Variants in DOCK7 observed in about 807,000 individuals in gnomAD.
DOCK7 encodes the protein dedicator of cytokinesis 7, also known as dedicator of cytokinesis protein 7.
A neutral mutation model predicts 271.0 loss-of-function variants in DOCK7; 138 were observed. The observed-to-expected ratio is 0.51, with a 90% CI of 0.44 to 0.59. The LOEUF is 0.59. Ranked by LOEUF, DOCK7 falls within the 20% of genes least tolerant of loss-of-function variation. The pLI, the probability that DOCK7 is intolerant of heterozygous loss-of-function variation, is 0.00. For synonymous variants in DOCK7, 823 were observed against 876.1 expected (o/e 0.94, Z 1.07); for missense variants, 2,066 against 2,592.4 (o/e 0.80, Z 4.41).
In DOCK7 at chr1:62,590,762, G is replaced by T. The variant is rs1333504767; in HGVS notation, c.1683-4138C>A. Reference sequence around the variant, plus strand: ...AAAACCTCAACATCACTGATCATGAGAGAAATGCAATTCAAAACCACAATA... The same window carrying T: ...AAAACCTCAACATCACTGATCATGATAGAAATGCAATTCAAAACCACAATA... On this transcript the variant is annotated intron_variant, in intron 14 of 49. Coordinates refer to ENST00000635253, the MANE Select transcript of DOCK7 (RefSeq NM_001367561.1). Among the ~76,000 whole-genome samples the T allele has an allele frequency of 2.0e-5, 3 of 152,228 alleles. No individual in the cohort carries two copies. The East Asian group carries it at 5.8e-4, about 29-fold the overall frequency.
At chr1:62,637,625 A>C (rs1166386499) in intron 7 of DOCK7, among the ~76,000 whole-genome samples, 1 of 152,204 alleles carries the variant, frequency 6.6e-6, no homozygotes, top group East Asian at 1.9e-4. Flanking sequence ...TGGTATTAAA[A>C]GAGAATCGAG....
At chr1:62,628,089 T>G (rs886069375) in intron 11 of DOCK7, 1 of 152,208 alleles carries the variant, frequency 6.6e-6, no homozygotes, top group Non-Finnish European at 1.5e-5. Flanking sequence ...TGGGGATCGT[T>G]TCAGGATGAT....
intron 25 of DOCK7, among the ~76,000 whole-genome samples, chr1:62,540,700 G>A (rs1645500998): frequency 6.6e-6 from 1 of 152,088 alleles, no homozygotes; most frequent in Admixed American, 6.5e-5. Flanking sequence ...TGTGGTAATG[G>A]TAACAAAGAA....
At chr1:62,619,689 C>G (rs1652900768) in intron 13 of DOCK7, among the ~76,000 whole-genome samples, 1 of 152,082 alleles carries the variant, frequency 6.6e-6, no homozygotes, top group African/African-American at 2.4e-5. Flanking sequence ...TAAGTGGGGA[C>G]TACTGCACTC....
intron 7 of DOCK7, among the ~76,000 whole-genome samples, chr1:62,642,999 G>A (rs1374981616): frequency 7.9e-6 from 1 of 126,838 alleles, no homozygotes; most frequent in Non-Finnish European, 1.6e-5. Context: ...TGCTGTAAGA[G>A]TTTTAATCCA....
chr1:62,538,124 C>T, intron 27 of DOCK7, 63 bp from the exon 28 acceptor site: 1 of 1,494,340 alleles, frequency 6.7e-7, no homozygotes, highest in African/African-American at 1.4e-5. Context: ...AATACTAATA[C>T]CAGAATGGCA....
At chr1:62,627,421 A>G (rs1254276702) in intron 11 of DOCK7, 1 of 152,200 alleles carries the variant, frequency 6.6e-6, no homozygotes, top group Non-Finnish European at 1.5e-5. Context: ...CCAGACTGAA[A>G]AAGAAAAGTG....
At chr1:62,580,801 T>C (rs1647092956) in intron 16 of DOCK7, among the ~76,000 whole-genome samples, 1 of 152,204 alleles carries the variant, frequency 6.6e-6, no homozygotes, top group African/African-American at 2.4e-5. Flanking sequence ...AATAGTTCAC[T>C]GCCTGGTTTT....
intron 1 of DOCK7, among the ~76,000 whole-genome samples, chr1:62,677,003 C>T (rs1261005511): frequency 6.6e-6 from 1 of 152,188 alleles, no homozygotes; most frequent in African/African-American, 2.4e-5. Context: ...TCACCAGTTC[C>T]ATTTAAACTG....
intron 43 of DOCK7, chr1:62,478,086 G>GCCT (rs1273120665): frequency 2.9e-6 from 1 of 341,176 alleles, no homozygotes; most frequent in East Asian, 5.3e-5. Context: ...TGTACGAAGT[G>GCCT]CCTCTATCAC....
chr1:62,573,370 T>C (rs1471269734), intron 18 of DOCK7, among the ~76,000 whole-genome samples: 1 of 152,216 alleles, frequency 6.6e-6, no homozygotes, highest in African/African-American at 2.4e-5. Context: ...GAAAAAATAC[T>C]TGGATTATGT....
At chr1:62,610,335 A>G (rs565778553) in intron 14 of DOCK7, among the ~76,000 whole-genome samples, 6 of 152,262 alleles carry the variant, frequency 3.9e-5, no homozygotes, top group African/African-American at 1.4e-4. Context: ...AATAGAAAAA[A>G]AAATGCTCCT....
chr1:62,604,173 T>G (rs1650588273), intron 14 of DOCK7: 1 of 1,613,256 alleles, frequency 6.2e-7, no homozygotes, highest in African/African-American at 1.3e-5. Flanking sequence ...AACAAAGATT[T>G]GGTGTTTTCT....
Position 62,586,526 on chromosome 1 carries a change from T to G in DOCK7, c.1781A>C (p.Asp594Ala). The G allele has an allele frequency of 1.2e-6, 2 of 1,609,570 alleles. No individual in the cohort carries two copies. The highest frequency in any genetic ancestry group is 4.5e-5 in the East Asian group (2 of 44,746). Reference sequence around the variant, plus strand: ...TCTTACCGGCATGGCATTGCTTGGATCCTCTCCATACATAAACTGGACTTT... The same window carrying G: ...TCTTACCGGCATGGCATTGCTTGGAGCCTCTCCATACATAAACTGGACTTT... ...TVKVQFMYGE[D>A]PSNAMPVIFG... is the part of the protein sequence containing the mutation. Residue 594 changes from aspartate (D) to alanine (A), a missense_variant, in exon 15 of 50, where the codon GAT becomes GCT. Asp to Ala is a moderately radical substitution (Grantham distance 126). Around this residue, in one of 2 missense-constraint regions of DOCK7, gnomAD observed 1,414 missense variants for 1,670.4 expected, o/e 0.85. Transcript: ENST00000635253.
At chr1:62,597,760 A>C in intron 14 of DOCK7, 1 of 1,613,588 alleles carries the variant, frequency 6.2e-7, no homozygotes, top group Non-Finnish European at 8.5e-7. Context: ...CATAAGACGA[A>C]GGGCCAAATT....
At chr1:62,529,526 G>C in intron 29 of DOCK7, 80 bp from the exon 30 acceptor site, 2 of 1,108,992 alleles carry the variant, frequency 1.8e-6, no homozygotes, top group Non-Finnish European at 2.4e-6. Flanking sequence ...CAAACAGTAA[G>C]TCATGGTATT....
chr1:62,554,362 C>G (rs1171584887), intron 21 of DOCK7, among the ~76,000 whole-genome samples: 1 of 151,422 alleles, frequency 6.6e-6, no homozygotes, highest in African/African-American at 2.4e-5. Flanking sequence ...GTCCCAGCTA[C>G]CCGAGAGGCT....
Position 62,688,295 on chromosome 1 carries a change from G to T in DOCK7, c.-31C>A, listed in dbSNP as rs1195555943. The T allele has an allele frequency of 8.1e-7, 1 of 1,227,634 alleles. No individual in the cohort carries two copies. The highest frequency in any genetic ancestry group is 3.6e-5 in the East Asian group (1 of 27,748). The allele number at this position is 1,227,634 out of a possible 1,614,324, so 76.0% of individuals were successfully genotyped here. A position where few individuals can be genotyped will look rare whatever the true frequency, so the allele number is the denominator to read the frequency against. The stretch of plus-strand genomic sequence containing the variant: ...CTGCGGCGACGGCGACGGCGGCGGC[G>T]GCTGCGGCGGGCCGGGTGCGGACCG... On this transcript the variant is annotated 5_prime_UTR_variant, in exon 1 of 50. Coordinates refer to ENST00000635253, the MANE Select transcript of DOCK7 (RefSeq NM_001367561.1).
chr1:62,571,306 C>CA (rs1646769804), intron 18 of DOCK7, among the ~76,000 whole-genome samples: 1 of 152,124 alleles, frequency 6.6e-6, no homozygotes, highest in Admixed American at 6.5e-5. Flanking sequence ...AAAAAAAGCT[C>CA]AGTATCACTG....
Sources: gnomAD v4.1 joint callset for allele counts (sites outside exome capture counted in the v4.1 genomes callset) on GRCh38, gnomAD v4.1.1 for gene constraint, gnomAD v4.1.1 regional missense constraint, MANE v1.5 for transcripts, NCBI Gene and HGNC (gene_info 2026-07-23, HGNC 2026-07-21) for gene names.